The following WDR25 variants were observed in gnomAD, a reference collection of about 807,000 sequenced individuals.
WDR25 encodes WD repeat domain 25.
WDR25 carries 35 observed loss-of-function variants against 47.7 expected under a neutral mutation model. The ratio of observed to expected loss-of-function variants is 0.73; its 90% CI spans 0.56 to 0.97. The LOEUF (loss-of-function observed/expected upper bound fraction) is 0.97. WDR25 is among the 50% of genes least tolerant of loss of function. The pLI, the probability that WDR25 is intolerant of heterozygous loss-of-function variation, is 0.00. For synonymous variants in WDR25, 248 were observed against 278.9 expected (o/e 0.89, Z 1.10); for missense variants, 634 against 704.7 (o/e 0.90, Z 1.14).
rs540616322 is a variant in WDR25, at chr14:100,512,863, C to T, written c.1102-13007C>T. On this transcript the variant is annotated intron_variant, in intron 4 of 6. Coordinates refer to ENST00000402312, the MANE Select transcript of WDR25 (RefSeq NM_001161476.3). Reference sequence around the variant, plus strand: ...TCCATGATTTATTTAGAAGTGTGCTCGTTAGGTTCCAAACACTTGGGAACT... The same window carrying T: ...TCCATGATTTATTTAGAAGTGTGCTTGTTAGGTTCCAAACACTTGGGAACT... Among the ~76,000 whole-genome samples the T allele has an allele frequency of 2.5e-4, 38 of 152,258 alleles. No individual in the cohort carries two copies. The South Asian group carries it at 4.8e-3, about 19-fold the overall frequency.
chr14:100,381,757 A>G lies in WDR25; in HGVS notation c.822+11A>G. 1 of 1,575,764 alleles carries G rather than the reference A, an allele frequency of 6.3e-7. No homozygotes were observed. The highest frequency in any genetic ancestry group is 8.6e-7 in the Non-Finnish European group (1 of 1,159,412). ...GATAAAACTTTCAAGGTAAGACTTGAATGAAAACTTCTGCTTTCAGATGCT... is the reference window on the plus strand; with the variant it reads ...GATAAAACTTTCAAGGTAAGACTTGGATGAAAACTTCTGCTTTCAGATGCT... On this transcript the variant is annotated intron_variant, in intron 2 of 6. Transcript: ENST00000402312.
At chr14:100,426,617 C>T (rs1194354777) in intron 2 of WDR25, among the ~76,000 whole-genome samples, 1 of 152,220 alleles carries the variant, frequency 6.6e-6, no homozygotes, top group South Asian at 2.1e-4. Flanking sequence ...CTTCACTCTG[C>T]CCCTTCCCTG....
chr14:100,477,232 G>A (rs1282230445), intron 3 of WDR25, among the ~76,000 whole-genome samples: 1 of 152,224 alleles, frequency 6.6e-6, no homozygotes, highest in African/African-American at 2.4e-5. Flanking sequence ...CATAGAGTCA[G>A]TAGAACAAAT....
chr14:100,389,655 T>C (rs1184270213), intron 2 of WDR25, among the ~76,000 whole-genome samples: 1 of 152,190 alleles, frequency 6.6e-6, no homozygotes, highest in East Asian at 1.9e-4. Context: ...TCCTGAAGTT[T>C]CCTGAACTTG....
rs960522199 is a variant in WDR25, at chr14:100,430,840, G to C, written c.823-37181G>C. On this transcript the variant is annotated intron_variant, in intron 2 of 6. Transcript: ENST00000402312. This position sits in a 1 kb window ranked among gnomAD's most constrained non-coding sequence, Gnocchi z 4.7. ...TTCTGGCTGTCGAGAAGGGGCCTAA[G>C]AGGTGCCCACTCCCCTCCTTGTGGG... Among the ~76,000 whole-genome samples, 1 of 152,194 alleles carries C rather than the reference G, an allele frequency of 6.6e-6. No individual in the cohort carries two copies. Among genetic ancestry groups the C allele is most frequent in the Non-Finnish European group, 1.5e-5 (1 of 68,030 alleles).
chr14:100,478,131 C>A (rs1306607564), intron 3 of WDR25, among the ~76,000 whole-genome samples: 1 of 146,810 alleles, frequency 6.8e-6, no homozygotes, highest in Non-Finnish European at 1.5e-5. Context: ...AACAAAAAAA[C>A]CTGTATCCCT....
chr14:100,529,852 C>T lies in WDR25; in HGVS notation c.1446C>T (p.Ser482=). The part of the protein sequence containing the change: ...VEGYSVGCEC[S]PGGDLLVTGS... ...GCTACTCAGTGGGCTGCGAGTGCTC[C>T]CCAGGCGGTGACTTGCTGGTGACGG... The change falls in exon 7 of 7, where the codon TCC becomes TCT. Residue 482 remains serine, a synonymous_variant. Transcript: ENST00000402312. The surrounding 1 kb of genome is among the most constrained non-coding windows in gnomAD (Gnocchi z 5.1). The T allele has an allele frequency of 6.2e-7, 1 of 1,612,904 alleles. No individual in the cohort carries two copies. Among genetic ancestry groups the T allele is most frequent in the Non-Finnish European group, 8.5e-7 (1 of 1,179,992 alleles).
chr14:100,393,712 G>C lies in WDR25; in HGVS notation c.822+11966G>C, dbSNP rs150866153. ...GGGAGCGAGGGCTGTTTTGCCTGGA[G>C]GGGTGTAGTGCAGGTTGGAGCCCAT... On this transcript the variant is annotated intron_variant, in intron 2 of 6. Coordinates refer to ENST00000402312, the MANE Select transcript of WDR25 (RefSeq NM_001161476.3). Among the ~76,000 whole-genome samples the C allele has an allele frequency of 5.3e-3, 813 of 152,314 alleles. 7 individuals are homozygous for C. The highest frequency in any genetic ancestry group is 0.019 in the African/African-American group (776 of 41,570).
At position 100,530,023 on chromosome 14, in the gene WDR25, C is replaced by T. The variant is rs151264696; in HGVS notation, c.1617C>T (p.Asp539=). 1.6e-4 allele frequency: 257 copies of T among 1,612,356 alleles called. No homozygotes were observed. Among genetic ancestry groups the T allele is most frequent in the Non-Finnish European group, 2.1e-4 (244 of 1,179,350 alleles). Reference sequence around the variant, plus strand: ...TCGCCACCTGCTCCTGGGGAGGGGACATGAAGATCTGGCACTGAGCTTTTT... The same window carrying T: ...TCGCCACCTGCTCCTGGGGAGGGGATATGAAGATCTGGCACTGAGCTTTTT... ...SVLATCSWGG[D]MKIWH is the part of the protein sequence containing the mutation. The change falls in exon 7 of 7, where the codon GAC becomes GAT. Residue 539 remains aspartate (D), a synonymous_variant. Coordinates refer to ENST00000402312, the MANE Select transcript of WDR25 (RefSeq NM_001161476.3).
In WDR25 at chr14:100,488,089, A is replaced by G. The variant is rs1900443166; in HGVS notation, c.1101+3965A>G. Among the ~76,000 whole-genome samples, 1 of 152,106 alleles carries G rather than the reference A, an allele frequency of 6.6e-6. No homozygotes were observed. On this transcript the variant is annotated intron_variant, in intron 4 of 6. Coordinates refer to ENST00000402312, the MANE Select transcript of WDR25 (RefSeq NM_001161476.3). The surrounding 1 kb of genome is among the most constrained non-coding windows in gnomAD (Gnocchi z 4.2). ...AGTCTAGCCCAATTCATTACAGCAA[A>G]TGGGCTGTTTGGCTCCCTGTCTCCT...
chr14:100,447,639 GAGC>G (rs988403343), intron 2 of WDR25, among the ~76,000 whole-genome samples: 2 of 152,174 alleles, frequency 1.3e-5, no homozygotes, highest in Non-Finnish European at 2.9e-5. Context: ...GGGTGGTATT[GAGC>G]AGGGTGGGGG....
At chr14:100,512,901 C>CT (rs1355501559) in intron 4 of WDR25, among the ~76,000 whole-genome samples, 1 of 152,150 alleles carries the variant, frequency 6.6e-6, no homozygotes, top group East Asian at 1.9e-4. Flanking sequence ...TCAGATGCCT[C>CT]TTTGTTATTT....
At chr14:100,484,766 T>C (rs1900326729) in intron 4 of WDR25, among the ~76,000 whole-genome samples, 1 of 152,140 alleles carries the variant, frequency 6.6e-6, no homozygotes, top group Admixed American at 6.5e-5. Flanking sequence ...ATTAGCAAAT[T>C]CTCCAAAACT....
chr14:100,423,425 C>G (rs1270540198), intron 2 of WDR25, among the ~76,000 whole-genome samples: 1 of 152,210 alleles, frequency 6.6e-6, no homozygotes, highest in African/African-American at 2.4e-5. Flanking sequence ...TAGTCAGACA[C>G]ACCTTATTCC....
At chr14:100,426,794 C>T (rs545387383) in intron 2 of WDR25, among the ~76,000 whole-genome samples, 8 of 152,282 alleles carry the variant, frequency 5.3e-5, no homozygotes, top group Non-Finnish European at 5.9e-5. Context: ...GCAAGGCAAC[C>T]GGGCACAGAG....
At chr14:100,479,890 G>A (rs1008368116) in intron 3 of WDR25, among the ~76,000 whole-genome samples, 4 of 152,114 alleles carry the variant, frequency 2.6e-5, no homozygotes, top group African/African-American at 4.8e-5. Flanking sequence ...GCGCATACGA[G>A]GGATCTAGGT....
rs556858291 is a variant in WDR25, at chr14:100,510,737, A to AAATAATAATAAT, written c.1102-15117_1102-15106dup. Among the ~76,000 whole-genome samples, 443 of 146,978 alleles carry AAATAATAATAAT rather than the reference A, an allele frequency of 3.0e-3. 2 individuals are homozygous for AAATAATAATAAT. Among genetic ancestry groups the AAATAATAATAAT allele is most frequent in the African/African-American group, 9.2e-3 (350 of 38,192 alleles). ...GGTGACAGAGCGAGACACCATCTCA[A>AAATAATAATAAT]AATAATAATAATAATAATAATAATA... On this transcript the variant is annotated intron_variant, in intron 4 of 6. Coordinates refer to ENST00000402312, the MANE Select transcript of WDR25 (RefSeq NM_001161476.3).
chr14:100,522,373 T>C (rs1324092971), intron 4 of WDR25, among the ~76,000 whole-genome samples: 1 of 152,222 alleles, frequency 6.6e-6, no homozygotes, highest in Admixed American at 6.5e-5. Flanking sequence ...CTCATAGTTA[T>C]GTTATACTTT....
At chr14:100,503,126 A>G (rs1032913883) in intron 4 of WDR25, among the ~76,000 whole-genome samples, 6 of 151,872 alleles carry the variant, frequency 4.0e-5, no homozygotes, top group African/African-American at 9.7e-5. Context: ...TTGGCTGCCC[A>G]TGGTGGCCAG....
Sources: allele counts gnomAD v4.1 joint callset (sites outside exome capture counted in the v4.1 genomes callset), GRCh38; gene constraint gnomAD v4.1.1; non-coding constraint Gnocchi (gnomAD v3.1); transcripts MANE v1.5; gene names NCBI Gene and HGNC (gene_info 2026-07-23, HGNC 2026-07-21).